The following GPR35 variants were observed in gnomAD, a reference collection of about 807,000 sequenced individuals.
The protein encoded by GPR35 is G protein-coupled receptor 35.
For missense variants in GPR35, 372 were observed against 422.5 expected (o/e 0.88, Z 1.05); for synonymous variants, 207 against 198.4 (o/e 1.04, Z -0.36).
chr2:240,629,814 G>A, intron 1 of GPR35, 135 bp from the exon 2 acceptor site: 1 of 704,440 alleles, frequency 1.4e-6, no homozygotes, highest in Non-Finnish European at 2.4e-6. Context: ...TTTCTTTGAG[G>A]AGTTTTGTGT....
upstream of GPR35, among the ~76,000 whole-genome samples, chr2:240,623,415 TCGTGAGGGC>T (rs1559437669): frequency 0.014 from 1,069 of 77,898 alleles, 87 homozygotes; most frequent in South Asian, 0.022. Flanking sequence ...CGCAAACAGA[TCGTGAGGGC>T]GCAAACAGGT....
upstream of GPR35, among the ~76,000 whole-genome samples, chr2:240,621,688 AG>A (rs1342222986): frequency 1.3e-5 from 2 of 151,132 alleles, no homozygotes; most frequent in Admixed American, 1.3e-4. Context: ...TCACTCAGGA[AG>A]GAAGTGGAGG....
intron 2 of GPR35, among the ~76,000 whole-genome samples, chr2:240,612,942 C>T (rs934657854): frequency 1.3e-5 from 2 of 152,206 alleles, no homozygotes; most frequent in Middle Eastern, 3.2e-3. Flanking sequence ...CTCCCAGGGG[C>T]GCGGACATAA....
At position 240,630,949 on chromosome 2, in the gene GPR35, G is replaced by A; in HGVS notation, c.*67G>A. The A allele has an allele frequency of 7.3e-7, 1 of 1,369,498 alleles. No individual in the cohort carries two copies. The highest frequency in any genetic ancestry group is 1.0e-6 in the Non-Finnish European group (1 of 979,848). 84.8% of individuals were successfully genotyped at this position (1,369,498 alleles called of 1,614,324 possible). Reference sequence around the variant, plus strand: ...CGGGAGGTGCTGCCTGCCAGGGGAAGCTGGAACCAGTAGCAAGGAGCCCGA... The same window carrying A: ...CGGGAGGTGCTGCCTGCCAGGGGAAACTGGAACCAGTAGCAAGGAGCCCGA... On this transcript the variant is annotated 3_prime_UTR_variant, in exon 2 of 2. Transcript: ENST00000407714.
intron 2 of GPR35, chr2:240,607,668 T>C (rs2043148533): frequency 6.6e-6 from 1 of 152,230 alleles, no homozygotes; most frequent in Non-Finnish European, 1.5e-5. Context: ...TTTTGGTATA[T>C]TAATCTTGTA....
upstream of GPR35, among the ~76,000 whole-genome samples, chr2:240,623,153 A>G (rs930517491): frequency 6.6e-6 from 1 of 152,172 alleles, no homozygotes; most frequent in African/African-American, 2.4e-5. Context: ...GCGGTCGTCG[A>G]GCTTCACAGA....
intron 2 of GPR35, among the ~76,000 whole-genome samples, chr2:240,616,231 A>G (rs926802013): frequency 1.3e-5 from 2 of 152,144 alleles, no homozygotes; most frequent in Admixed American, 6.6e-5. Flanking sequence ...GCAGTCGTGA[A>G]TACAGGCCTG....
rs1472299298 is a variant in GPR35 at position 240,632,333 on chromosome 2, A to G, written c.*1451A>G. 6.7e-6 allele frequency among the ~76,000 whole-genome samples: 1 copy of G among 149,838 alleles called. No individual in the cohort carries two copies. Among genetic ancestry groups the G allele is most frequent in the African/African-American group, 2.5e-5 (1 of 40,458 alleles). On this transcript the variant is annotated 3_prime_UTR_variant, in exon 2 of 2. Coordinates refer to ENST00000407714, the MANE Select transcript of GPR35 (RefSeq NM_005301.5). ...GAGGGCCCTGTGCTCAGGAGGATAC[A>G]TGTCCAGGAGTGTCCCTGTCCAGGA...
chr2:240,613,606 A>C (rs573662431), intron 2 of GPR35, among the ~76,000 whole-genome samples: 1 of 152,084 alleles, frequency 6.6e-6, no homozygotes, highest in South Asian at 2.1e-4. Flanking sequence ...GCAGAACCGA[A>C]CCTAACTCGA....
Position 240,630,304 on chromosome 2 carries a change from G to T in GPR35, c.352G>T (p.Val118Leu), listed in dbSNP as rs775602865. ...CATCGCCGTGGACCGCTATGTGGCCGTGCGGCACCCGCTGCGTGCCCGCGG... is the reference window on the plus strand; with the variant it reads ...CATCGCCGTGGACCGCTATGTGGCCTTGCGGCACCCGCTGCGTGCCCGCGG... The part of the protein sequence containing the change: ...TAIAVDRYVA[V>L]RHPLRARGLR... Residue 118 changes from valine to leucine, a missense_variant, in exon 2 of 2, where the codon GTG becomes TTG. Transcript: ENST00000407714. 1.9e-6 allele frequency: 3 copies of T among 1,580,254 alleles called. No individual in the cohort carries two copies. The African/African-American group carries it at 4.0e-5, about 21-fold the overall frequency.
intron 2 of GPR35, among the ~76,000 whole-genome samples, chr2:240,611,209 C>A (rs1177119429): frequency 2.0e-5 from 3 of 151,970 alleles, no homozygotes; most frequent in Non-Finnish European, 4.4e-5. Flanking sequence ...CCCAAATGAT[C>A]CACCCACCTC....
chr2:240,623,302 CA>C (rs2043320375), upstream of GPR35, among the ~76,000 whole-genome samples: 1 of 112,950 alleles, frequency 8.9e-6, no homozygotes, highest in Non-Finnish European at 1.9e-5. Flanking sequence ...GGAAACAGGT[CA>C]TGAGGGCGCA....
At chr2:240,619,612 A>C (rs2043271298) in intron 5 of GPR35, among the ~76,000 whole-genome samples, 1 of 152,222 alleles carries the variant, frequency 6.6e-6, no homozygotes, top group African/African-American at 2.4e-5. Context: ...GGACGTGGGG[A>C]AAATCCCTGC....
upstream of GPR35, among the ~76,000 whole-genome samples, chr2:240,621,494 C>T (rs1422081925): frequency 1.3e-5 from 2 of 152,086 alleles, no homozygotes; most frequent in Non-Finnish European, 2.9e-5. Context: ...ACCTCGTGAT[C>T]CCCCTGCCTC....
At chr2:240,616,204 C>G (rs2043235282) in intron 2 of GPR35, among the ~76,000 whole-genome samples, 1 of 152,148 alleles carries the variant, frequency 6.6e-6, no homozygotes, top group South Asian at 2.1e-4. Flanking sequence ...TTCTGTTTGC[C>G]TCTTGCCTGC....
upstream of GPR35, among the ~76,000 whole-genome samples, chr2:240,623,367 C>CAAACAGGTCATGAGGGT: frequency 2.4e-5 from 2 of 81,906 alleles, no homozygotes; most frequent in East Asian, 5.4e-4. Flanking sequence ...GTCGTGAGGG[C>CAAACAGGTCATGAGGGT]GCAAACAGGT....
chr2:240,625,344 T>C (rs1011005732), upstream of GPR35: 6 of 985,296 alleles, frequency 6.1e-6, no homozygotes, highest in Non-Finnish European at 7.2e-6. Flanking sequence ...CCACGCCCTC[T>C]AGCTGGGGCT....
rs573662431 is a variant in GPR35, at chr2:240,613,606, A to G, written c.-576-2782A>G. Among the ~76,000 whole-genome samples the G allele has an allele frequency of 5.9e-5, 9 of 152,202 alleles. No homozygotes were observed. In the South Asian group the frequency reaches 1.9e-3, roughly 32 times the overall value. On this transcript the variant is annotated intron_variant, in intron 2 of 5. Coordinates refer to the GPR35 transcript ENST00000319838. ...AACCCTAAAATTCAGGCAGAACCGAACCTAACTCGAACCCAAACCCTAACG... is the reference window on the plus strand; with the variant it reads ...AACCCTAAAATTCAGGCAGAACCGAGCCTAACTCGAACCCAAACCCTAACG...
chr2:240,606,655 G>A (rs181804901), intron 2 of GPR35: 1 of 152,414 alleles, frequency 6.6e-6, no homozygotes, highest in East Asian at 1.9e-4. Context: ...AAGAACAGGT[G>A]AGAGTGGCAG....
Sources: gnomAD v4.1 joint callset for allele counts (sites outside exome capture counted in the v4.1 genomes callset) on GRCh38, gnomAD v4.1.1 for gene constraint, MANE v1.5 for transcripts, NCBI Gene and HGNC (gene_info 2026-07-23, HGNC 2026-07-21) for gene names.